KIF20B: variants seen among roughly 807,000 people sequenced by gnomAD.
The protein encoded by KIF20B is kinesin-like protein KIF20B.
Under a neutral mutation model 232.5 loss-of-function variants are expected in KIF20B, and 188 were observed. That is an observed-to-expected ratio of 0.81 (90% CI 0.72 to 0.91). The LOEUF (loss-of-function observed/expected upper bound fraction) is 0.91. Ranked by LOEUF, KIF20B falls within the 40% of genes least tolerant of loss-of-function variation. The pLI is 0.00. For synonymous variants in KIF20B, 712 were observed against 683.0 expected (o/e 1.04, Z -0.66); for missense variants, 2,154 against 2,055.9 (o/e 1.05, Z -0.92).
chr10:89,771,501 A>G (rs1344123449), intron 31 of KIF20B, among the ~76,000 whole-genome samples: 3 of 152,032 alleles, frequency 2.0e-5, no homozygotes, highest in South Asian at 2.1e-4. Context: ...TGCATAGCCA[A>G]TGCATTATAA....
intron 15 of KIF20B, among the ~76,000 whole-genome samples, chr10:89,725,785 C>T (rs1350559197): frequency 6.6e-6 from 1 of 152,148 alleles, no homozygotes; most frequent in African/African-American, 2.4e-5. Context: ...TCTGCTGCTT[C>T]CACTGAAGCT....
chr10:89,768,634 G>A (rs1157081776), intron 30 of KIF20B, 104 bp from the exon 31 acceptor site: 2 of 1,128,688 alleles, frequency 1.8e-6, no homozygotes, highest in Non-Finnish European at 1.2e-6. Flanking sequence ...TTTCCTACCT[G>A]AGAATTCATA....
At chr10:89,733,675 A>G (rs1843380652) in intron 19 of KIF20B, among the ~76,000 whole-genome samples, 1 of 152,224 alleles carries the variant, frequency 6.6e-6, no homozygotes, top group African/African-American at 2.4e-5. Flanking sequence ...GTAAATTGCA[A>G]ACATAAGAAA....
In KIF20B at chr10:89,745,911, A is replaced by T. The variant is rs1227183188; in HGVS notation, c.4048A>T (p.Asn1350Tyr). 1.2e-6 allele frequency: 2 copies of T among 1,604,838 alleles called. No individual in the cohort carries two copies. The highest frequency in any genetic ancestry group is 1.3e-5 in the African/African-American group (1 of 74,870). The change falls in exon 23 of 33, where the codon AAT becomes TAT. Residue 1350 changes from asparagine (N) to tyrosine (Y), a missense_variant. Physicochemically the swap from Asn to Tyr is moderately radical, Grantham distance 143 (BLOSUM62 -2). Transcript: ENST00000371728. ...TIQQLKEQLN[N>Y]QKVEEAIQQY... ...TTTCAATTTGTAGGAGCAGTTAAATAATCAGAAAGTGGAAGAAGCTATACA... is the reference window on the plus strand; with the variant it reads ...TTTCAATTTGTAGGAGCAGTTAAATTATCAGAAAGTGGAAGAAGCTATACA...
At chr10:89,739,552 CA>C (rs143193811) in intron 21 of KIF20B, among the ~76,000 whole-genome samples, 46,315 of 150,844 alleles carry the variant, frequency 0.31, 8,003 homozygotes, top group African/African-American at 0.46. Flanking sequence ...TTCACAGCAT[CA>C]AATGTTACCA....
intron 18 of KIF20B, among the ~76,000 whole-genome samples, chr10:89,731,522 G>T (rs1187951352): frequency 6.6e-6 from 1 of 152,122 alleles, no homozygotes; most frequent in African/African-American, 2.4e-5. Context: ...TGTCTTGAGC[G>T]CAAACTCTTT....
intron 13 of KIF20B, among the ~76,000 whole-genome samples, chr10:89,720,958 C>A (rs946648970): frequency 1.1e-4 from 17 of 152,162 alleles, no homozygotes; most frequent in African/African-American, 4.1e-4. Context: ...TTGCCCGCCT[C>A]GGCCTCCCAA....
rs1471768031 is a variant in KIF20B, at chr10:89,738,466, C to T, written c.3625C>T (p.Gln1209Ter). The change falls in exon 20 of 33, where the codon CAG (glutamine) becomes TAG (stop). Residue 1209 changes from glutamine (Q) to a stop codon, truncating the protein, a stop_gained. Transcript: ENST00000371728. LOFTEE classifies it high-confidence loss of function. ...TTTGAAGGAATTTCAAGAACATCTT[C>T]AGGATTCTGTCAAAAACACCAAAGA... ...RNLKEFQEHL[Q>*]DSVKNTKDLN... 2 of 1,604,648 alleles carry T rather than the reference C, an allele frequency of 1.2e-6. No homozygotes were observed. Among genetic ancestry groups the T allele is most frequent in the Admixed American group, 1.7e-5 (1 of 58,442 alleles).
rs754063164 is a variant in KIF20B at position 89,714,976 on chromosome 10, A to C, written c.734A>C (p.Asn245Thr). The C allele has an allele frequency of 6.4e-6, 10 of 1,567,518 alleles. No individual in the cohort carries two copies. The highest frequency in any genetic ancestry group is 8.7e-6 in the Non-Finnish European group (10 of 1,154,608). ...GTAGGAAGTTTAACTAACTCTTTGAATATCTCAGAGTTTGAAGAATCCATA... is the reference window on the plus strand; with the variant it reads ...GTAGGAAGTTTAACTAACTCTTTGACTATCTCAGAGTTTGAAGAATCCATA... The part of the protein sequence containing the change: ...TLYGSLTNSL[N>T]ISEFEESIKD... The change falls in exon 8 of 33, where the codon AAT becomes ACT. Residue 245 changes from asparagine (N) to threonine (T), a missense_variant. Physicochemically the swap from Asn to Thr is moderately conservative, Grantham distance 65. Coordinates refer to ENST00000371728, the MANE Select transcript of KIF20B (RefSeq NM_001284259.2).
Position 89,766,750 on chromosome 10 carries a change from A to G in KIF20B, c.4990-1540A>G, listed in dbSNP as rs139910768. Among the ~76,000 whole-genome samples the G allele has an allele frequency of 3.0e-3, 456 of 152,232 alleles. 3 individuals carry two copies. Among genetic ancestry groups the G allele is most frequent in the African/African-American group, 0.01 (427 of 41,552 alleles). ...TACTCCTGAGGCTCTCTGTCAGGTA[A>G]TAATTTTGCTGAGTGAATATTATTC... On this transcript the variant is annotated intron_variant, in intron 29 of 32. Coordinates refer to ENST00000371728, the MANE Select transcript of KIF20B (RefSeq NM_001284259.2).
intron 23 of KIF20B, among the ~76,000 whole-genome samples, chr10:89,749,296 C>T (rs1841979517): frequency 6.6e-6 from 1 of 152,110 alleles, no homozygotes; most frequent in Non-Finnish European, 1.5e-5. Flanking sequence ...TAAGGCTTTC[C>T]CTGCCTCCTA....
At chr10:89,768,440 G>C (rs1191777110) in intron 30 of KIF20B, 49 bp downstream of exon 30, 1 of 1,118,696 alleles carries the variant, frequency 8.9e-7, no homozygotes, top group African/African-American at 1.6e-5. Flanking sequence ...CAGAAATCCA[G>C]TTGTGTTCAA....
intron 31 of KIF20B, among the ~76,000 whole-genome samples, chr10:89,771,569 C>G (rs1280730822): frequency 1.3e-5 from 2 of 152,068 alleles, no homozygotes; most frequent in Admixed American, 6.6e-5. Context: ...CATGCTCTTA[C>G]TCATATTTGC....
intron 21 of KIF20B, among the ~76,000 whole-genome samples, chr10:89,741,467 A>G (rs1221149978): frequency 6.6e-6 from 1 of 152,228 alleles, no homozygotes; most frequent in Non-Finnish European, 1.5e-5. Flanking sequence ...ATGGGTATTA[A>G]AAGTATTTTC....
Position 89,715,194 on chromosome 10 carries a change from A to G in KIF20B, c.940+12A>G. 1 of 1,495,994 alleles carries G rather than the reference A, an allele frequency of 6.7e-7. No homozygotes were observed. The highest frequency in any genetic ancestry group is 9.2e-7 in the Non-Finnish European group (1 of 1,085,346). The allele number at this position is 1,495,994 out of a possible 1,614,324, so 92.7% of individuals were successfully genotyped here. On this transcript the variant is annotated intron_variant, in intron 8 of 32. Transcript: ENST00000371728. ...TTCTTTTATAAAAGGTATACTAATG[A>G]ATATTTTTATCTTATTGCTCTGAAG...
chr10:89,735,367 G>C (rs1053723411), intron 19 of KIF20B, among the ~76,000 whole-genome samples: 1 of 151,968 alleles, frequency 6.6e-6, no homozygotes, highest in Non-Finnish European at 1.5e-5. Context: ...GAGATATAGG[G>C]AGTCTGCCAT....
chr10:89,715,943 A>T (rs1842925987), intron 8 of KIF20B, among the ~76,000 whole-genome samples: 1 of 152,168 alleles, frequency 6.6e-6, no homozygotes, highest in Admixed American at 6.5e-5. Flanking sequence ...GAGAGCCATG[A>T]TCACGCCTTT....
intron 16 of KIF20B, 125 bp downstream of exon 16, chr10:89,726,646 A>G (rs563972946): frequency 1.3e-4 from 89 of 702,762 alleles, no homozygotes; most frequent in South Asian, 2.9e-4. Context: ...TCTAGGTAAC[A>G]TATTTTAATA....
Position 89,737,791 on chromosome 10 carries a change from T to C in KIF20B, c.2950T>C (p.Leu984=). 6.2e-7 allele frequency: 1 copy of C among 1,612,752 alleles called. No homozygotes were observed. Among genetic ancestry groups the C allele is most frequent in the Non-Finnish European group, 8.5e-7 (1 of 1,179,280 alleles). Residue 984 remains leucine, a synonymous_variant, in exon 20 of 33, where the codon TTA becomes CTA. Transcript: ENST00000371728. The stretch of plus-strand genomic sequence containing the variant: ...TACAAATAATGTTTCACAAATAAAA[T>C]TAATGCACACGAAAATAGACGAACT... ...SITNNVSQIK[L]MHTKIDELRT...
Sources: gnomAD v4.1 joint callset for allele counts (sites outside exome capture counted in the v4.1 genomes callset) on GRCh38, gnomAD v4.1.1 for gene constraint, MANE v1.5 for transcripts, NCBI Gene and HGNC (gene_info 2026-07-23, HGNC 2026-07-21) for gene names.